The following MYO1F variants were observed in gnomAD, a reference collection of about 807,000 sequenced individuals.
MYO1F encodes unconventional myosin-If.
MYO1F carries 60 observed loss-of-function variants against 146.6 expected under a neutral mutation model. The observed-to-expected ratio is 0.41, with a 90% CI of 0.33 to 0.51. The LOEUF (loss-of-function observed/expected upper bound fraction) is 0.51. Ranked by LOEUF, MYO1F falls within the 20% of genes least tolerant of loss-of-function variation. The pLI is 0.25. For missense variants in MYO1F, 1,274 were observed against 1,534.3 expected (o/e 0.83, Z 2.83); for synonymous variants, 602 against 602.1 (o/e 1.00, Z 0.00).
chr19:8,568,952 A>G (rs571466730), intron 1 of MYO1F, among the ~76,000 whole-genome samples: 2 of 152,220 alleles, frequency 1.3e-5, no homozygotes, highest in African/African-American at 4.8e-5. Flanking sequence ...GGATTCCATA[A>G]TGACCCTTGT....
At position 8,544,328 on chromosome 19, in the gene MYO1F, G is replaced by A; in HGVS notation, c.1493C>T (p.Ala498Val). Reference protein sequence around the residue: ...GTHEHFNSWSAGFVIHHYAGK... With the variant: ...GTHEHFNSWSVGFVIHHYAGK... ...AGCGTAGTGGTGGATGACGAAGCCG[G>A]CGCTCCAGCTGTTGAAATGCTCGTG... Residue 498 changes from alanine to valine, a missense_variant, in exon 14 of 28, where the codon GCC (alanine) becomes GTC (valine). Physicochemically the swap from Ala to Val is moderately conservative, Grantham distance 64. Around this residue, in one of 2 missense-constraint regions of MYO1F, gnomAD observed 900 missense variants for 1,155.1 expected, o/e 0.78. Transcript: ENST00000644032. 1 of 1,613,108 alleles carries A rather than the reference G, an allele frequency of 6.2e-7. No individual in the cohort carries two copies. The highest frequency in any genetic ancestry group is 1.3e-5 in the African/African-American group (1 of 74,950).
At chr19:8,553,485 T>C (rs1358337558) in intron 4 of MYO1F, 48 bp from the exon 5 acceptor site, 1 of 1,490,720 alleles carries the variant, frequency 6.7e-7, no homozygotes, top group African/African-American at 1.4e-5. Flanking sequence ...GGAAGAGCCC[T>C]TTTTAGTGCC....
At position 8,548,206 on chromosome 19, in the gene MYO1F, C is replaced by T. The variant is rs546684512; in HGVS notation, c.1182+31G>A. The T allele has an allele frequency of 2.9e-5, 47 of 1,613,514 alleles. No individual in the cohort carries two copies. In the South Asian group the frequency reaches 4.0e-4, roughly 14 times the overall value. On this transcript the variant is annotated intron_variant, in intron 11 of 27. Coordinates refer to ENST00000644032, the MANE Select transcript of MYO1F (RefSeq NM_012335.4). ...CCACCCTGGGCTGCCCCAGGGAGGACAGGATGTGGGCTGGAGGCAGGGGGC... is the reference window on the plus strand; with the variant it reads ...CCACCCTGGGCTGCCCCAGGGAGGATAGGATGTGGGCTGGAGGCAGGGGGC...
At chr19:8,570,217 C>T (rs1413728355) in intron 1 of MYO1F, among the ~76,000 whole-genome samples, 6 of 151,412 alleles carry the variant, frequency 4.0e-5, no homozygotes, top group East Asian at 1.9e-4. Context: ...GGATTACAGG[C>T]GTGCACAACG....
intron 13 of MYO1F, 24 bp downstream of exon 13, chr19:8,545,626 C>T (rs770416547): frequency 3.3e-5 from 53 of 1,602,664 alleles, no homozygotes; most frequent in African/African-American, 6.7e-5. Flanking sequence ...GAGACGCCCC[C>T]GCCAAAGTTG....
At position 8,530,377 on chromosome 19, in the gene MYO1F, G is replaced by A; in HGVS notation, c.2159-12C>T. On this transcript the variant is annotated splice_polypyrimidine_tract_variant and intron_variant, in intron 20 of 27. Coordinates refer to ENST00000644032, the MANE Select transcript of MYO1F (RefSeq NM_012335.4). The surrounding 1 kb of genome is among the most constrained non-coding windows in gnomAD (Gnocchi z 5.8). The stretch of plus-strand genomic sequence containing the variant: ...CAGGATGTTGGAAGCTGCGGGGACA[G>A]AGGGTGGAGGGCAGAGCTCCTGATA... 1.2e-6 allele frequency: 2 copies of A among 1,614,096 alleles called. No individual in the cohort carries two copies. Among genetic ancestry groups the A allele is most frequent in the Non-Finnish European group, 1.7e-6 (2 of 1,180,028 alleles).
chr19:8,564,900 G>A (rs1002213594), intron 1 of MYO1F, among the ~76,000 whole-genome samples: 6 of 151,964 alleles, frequency 3.9e-5, no homozygotes, highest in African/African-American at 1.4e-4. Context: ...AGCCTCCCAA[G>A]TAACTGGAAT....
At chr19:8,572,855 C>T (rs533083582) in intron 1 of MYO1F, among the ~76,000 whole-genome samples, 1 of 152,206 alleles carries the variant, frequency 6.6e-6, no homozygotes, top group East Asian at 1.9e-4. Flanking sequence ...GCCACCATGC[C>T]TGGCTAACTT....
chr19:8,551,896 T>C lies in MYO1F; in HGVS notation c.637-22A>G, dbSNP rs777978261. ...GCAGCTGGAGGGTGTGCCATGTTCA[T>C]GCATCTGGTGCTTGCCTGGCTCAGC... is the stretch of plus-strand genomic sequence containing the variant. On this transcript the variant is annotated intron_variant, in intron 7 of 27. Coordinates refer to ENST00000644032, the MANE Select transcript of MYO1F (RefSeq NM_012335.4). 6 of 1,613,974 alleles carry C rather than the reference T, an allele frequency of 3.7e-6. No homozygotes were observed. The African/African-American group carries it at 8.0e-5, about 22-fold the overall frequency.
intron 10 of MYO1F, among the ~76,000 whole-genome samples, chr19:8,548,810 G>C (rs896706906): frequency 6.7e-6 from 1 of 149,204 alleles, no homozygotes; most frequent in Non-Finnish European, 1.5e-5. Context: ...CTGTGGTCTC[G>C]ATCTCCTGAC....
At chr19:8,527,260 A>G (rs1972308815) in intron 22 of MYO1F, 78 bp downstream of exon 22, 4 of 1,590,662 alleles carry the variant, frequency 2.5e-6, no homozygotes, top group Admixed American at 3.4e-5. Context: ...TGTCAGGGTA[A>G]CAGACGGGGT....
intron 7 of MYO1F, 64 bp from the exon 8 acceptor site, chr19:8,551,938 C>G: frequency 6.2e-7 from 1 of 1,613,998 alleles, no homozygotes; most frequent in Non-Finnish European, 8.5e-7. Context: ...GATCCCTCAT[C>G]TGCCCTGCCA....
rs748612340 is a variant in MYO1F at position 8,526,773 on chromosome 19, G to T, written c.2621+16C>A. 22 of 1,599,964 alleles carry T rather than the reference G, an allele frequency of 1.4e-5. No homozygotes were observed. In the Admixed American group the frequency reaches 3.5e-4, roughly 25 times the overall value. On this transcript the variant is annotated intron_variant, in intron 23 of 27. Transcript: ENST00000644032. ...GAGACCACCCCGAGATGGTGCTGGG[G>T]TTGGCGGGGCCGTACGTGTCGCTGA...
chr19:8,527,062 G>C (rs896500787), intron 22 of MYO1F, 127 bp from the exon 23 acceptor site: 6 of 1,298,930 alleles, frequency 4.6e-6, no homozygotes, highest in Non-Finnish European at 6.4e-6. Context: ...GCGGTGACCA[G>C]GTAGGAGAAA....
At chr19:8,552,903 G>C (rs1001889388) in intron 6 of MYO1F, among the ~76,000 whole-genome samples, 2 of 152,194 alleles carry the variant, frequency 1.3e-5, no homozygotes, top group African/African-American at 4.8e-5. Context: ...AGCCGGGGGA[G>C]CATTTAAGAA....
At position 8,541,960 on chromosome 19, in the gene MYO1F, C is replaced by T; in HGVS notation, c.1556G>A (p.Arg519Lys). 1 of 1,613,506 alleles carries T rather than the reference C, an allele frequency of 6.2e-7. No individual in the cohort carries two copies. The highest frequency in any genetic ancestry group is 8.5e-7 in the Non-Finnish European group (1 of 1,179,998). The change falls in exon 15 of 28, where the codon AGG (arginine) becomes AAG (lysine). Residue 519 changes from arginine (R) to lysine (K), a missense_variant. By Grantham distance (26) the Arg-to-Lys change is conservative (BLOSUM62 2). Around this residue, in one of 2 missense-constraint regions of MYO1F, gnomAD observed 900 missense variants for 1,155.1 expected, o/e 0.78. Coordinates refer to ENST00000644032, the MANE Select transcript of MYO1F (RefSeq NM_012335.4). Reference sequence around the variant, plus strand: ...GTCGGAGAAGAGAACGTCTCGGTTCCTCTCGCAGAAGCCGCTGACGTCGTA... The same window carrying T: ...GTCGGAGAAGAGAACGTCTCGGTTCTTCTCGCAGAAGCCGCTGACGTCGTA... ...VSYDVSGFCERNRDVLFSDLI... is the reference protein window; with the variant it reads ...VSYDVSGFCEKNRDVLFSDLI...
At position 8,553,232 on chromosome 19, in the gene MYO1F, G is replaced by C. The variant is rs917177120; in HGVS notation, c.415-4C>G. 2.5e-6 allele frequency: 4 copies of C among 1,614,126 alleles called. No individual in the cohort carries two copies. The highest frequency in any genetic ancestry group is 1.3e-5 in the African/African-American group (1 of 75,038). ...GCAGGATGATATCTTTGACGTGCTG[G>C]GGCAGAGGCAGGTGGAGTGGGAAGA... is the stretch of plus-strand genomic sequence containing the variant. On this transcript the variant is annotated splice_region_variant and splice_polypyrimidine_tract_variant and intron_variant, in intron 5 of 27. Coordinates refer to ENST00000644032, the MANE Select transcript of MYO1F (RefSeq NM_012335.4).
At chr19:8,574,557 TTC>T (rs2042172359) in intron 1 of MYO1F, among the ~76,000 whole-genome samples, 5 of 84,736 alleles carry the variant, frequency 5.9e-5, no homozygotes, top group Non-Finnish European at 9.5e-5. Flanking sequence ...CTTTCTTTCT[TTC>T]TTTCTTTCTT....
intron 1 of MYO1F, among the ~76,000 whole-genome samples, chr19:8,566,959 A>T (rs1464497456): frequency 6.6e-6 from 1 of 151,890 alleles, no homozygotes; most frequent in Non-Finnish European, 1.5e-5. Flanking sequence ...TTACAGGCGT[A>T]AGCCACCAGG....
Sources: gnomAD v4.1 joint callset for allele counts (sites outside exome capture counted in the v4.1 genomes callset) on GRCh38, gnomAD v4.1.1 for gene constraint, gnomAD v4.1.1 regional missense constraint, Gnocchi (gnomAD v3.1) non-coding constraint, MANE v1.5 for transcripts, NCBI Gene and HGNC (gene_info 2026-07-23, HGNC 2026-07-21) for gene names.